Variants in LSM1 observed in about 807,000 individuals in gnomAD.
The protein encoded by LSM1 is U6 snRNA-associated Sm-like protein LSm1.
A neutral mutation model predicts 18.0 loss-of-function variants in LSM1; 13 were observed. That is an observed-to-expected ratio of 0.72 (90% CI 0.47 to 1.15). LSM1 has a LOEUF of 1.15. LSM1 is among the 50% of genes most tolerant of loss of function. The probability of loss-of-function intolerance (pLI) is 0.00; values close to 1 mark genes in which losing one functional copy is unlikely to be tolerated. For missense variants in LSM1, 152 were observed against 157.7 expected, an observed-to-expected ratio of 0.96 and a Z score of 0.19; for synonymous variants, 46 against 56.0, an observed-to-expected ratio of 0.82 and a Z score of 0.80.
chr8:38,163,601 G>T lies in LSM1; in HGVS notation c.*69C>A. 1.4e-6 allele frequency: 2 copies of T among 1,394,778 alleles called. No homozygotes were observed. The allele number at this position is 1,394,778 out of a possible 1,614,324, so 86.4% of individuals were successfully genotyped here. A position where few individuals can be genotyped will look rare whatever the true frequency, so the allele number is the denominator to read the frequency against. On this transcript the variant is annotated 3_prime_UTR_variant, in exon 4 of 4. Transcript: ENST00000311351. ...CAGTCTGTGATCAAATGCGTGAGGT[G>T]GCCAGGATGTCACTTTCACTCAGTG...
At chr8:38,173,983 G>A (rs1304645038) in intron 1 of LSM1, among the ~76,000 whole-genome samples, 1 of 152,180 alleles carries the variant, frequency 6.6e-6, no homozygotes, top group Non-Finnish European at 1.5e-5. Context: ...ATCAAGAGAA[G>A]AGAATTAAAG....
chr8:38,169,137 C>T (rs1285032628), intron 3 of LSM1, among the ~76,000 whole-genome samples: 1 of 151,932 alleles, frequency 6.6e-6, no homozygotes, highest in African/African-American at 2.4e-5. Flanking sequence ...TCAGAAATAA[C>T]AAGATGAAAT....
intron 2 of LSM1, chr8:38,171,121 TAATGTTGGG>T: frequency 3.7e-6 from 1 of 270,218 alleles, no homozygotes; most frequent in Non-Finnish European, 7.9e-6. Context: ...GTATTAAGCT[TAATGTTGGG>T]GTCCTTAAAA....
In LSM1 at chr8:38,163,707, A is replaced by C; in HGVS notation, c.365T>G (p.Leu122Arg). 2.5e-6 allele frequency: 4 copies of C among 1,614,194 alleles called. No individual in the cohort carries two copies. The highest frequency in any genetic ancestry group is 3.4e-6 in the Non-Finnish European group (4 of 1,180,038). Residue 122 changes from leucine to arginine, a missense_variant, in exon 4 of 4, where the codon CTT becomes CGT. Transcript: ENST00000311351. ...AAGAGTATCTGCTCGAGGAATGGAAAGACCTCGGTCCTTCAGGGCCTGCAC... is the reference window on the plus strand; with the variant it reads ...AAGAGTATCTGCTCGAGGAATGGAACGACCTCGGTCCTTCAGGGCCTGCAC... ...LKVQALKDRG[L>R]SIPRADTLDE...
At chr8:38,166,494 AAATG>A (rs1802932303) in intron 3 of LSM1, among the ~76,000 whole-genome samples, 1 of 152,232 alleles carries the variant, frequency 6.6e-6, no homozygotes, top group Non-Finnish European at 1.5e-5. Context: ...ATTGTCCTTA[AAATG>A]AATGTACAGG....
intron 1 of LSM1, among the ~76,000 whole-genome samples, chr8:38,172,315 TC>T (rs898123622): frequency 2.7e-5 from 4 of 146,048 alleles, no homozygotes; most frequent in Non-Finnish European, 6.0e-5. Context: ...TTTTTTTTTT[TC>T]CTTTTTTCTT....
intron 1 of LSM1, 64 bp downstream of exon 1, chr8:38,176,211 G>A: frequency 2.1e-6 from 3 of 1,441,544 alleles, no homozygotes; most frequent in Middle Eastern, 1.8e-4. Flanking sequence ...TTCTTCGGAA[G>A]AGGCGCCCGC....
Position 38,169,817 on chromosome 8 carries a change from GACC to G in LSM1, c.213_215del (p.Val72del), listed in dbSNP as rs769000785. The G allele has an allele frequency of 2.5e-6, 4 of 1,608,370 alleles. No homozygotes were observed. Among genetic ancestry groups the G allele is most frequent in the Non-Finnish European group, 2.6e-6 (3 of 1,174,996 alleles). ...TTTCACTTACTATTTCTCCTAGTAGGACCACATTTTCTCCTCTGACCACAAAAA... is the reference window on the plus strand; with the variant it reads ...TTTCACTTACTATTTCTCCTAGTAGGACATTTTCTCCTCTGACCACAAAAA... On this transcript the variant is annotated inframe_deletion, in exon 3 of 4. Transcript: ENST00000311351.
Position 38,164,193 on chromosome 8 carries a change from T to C in LSM1, c.232-353A>G, listed in dbSNP as rs562568148. Among the ~76,000 whole-genome samples, 9 of 152,286 alleles carry C rather than the reference T, an allele frequency of 5.9e-5. No individual in the cohort carries two copies. The South Asian group carries it at 1.9e-3, about 32-fold the overall frequency. On this transcript the variant is annotated intron_variant, in intron 3 of 3. Coordinates refer to ENST00000311351, the MANE Select transcript of LSM1 (RefSeq NM_014462.3). ...CCTCAGCCTCCTGAGTAGCTGTGAT[T>C]ACAGGCACGTGCCACCACGCCTGGC...
Position 38,176,309 on chromosome 8 carries a change from C to A in LSM1, c.12G>T (p.Met4Ile). ...CCTCGATGAGGCTGGCGGTGCCAGGCATATAGTTCATTTTGAACTGAAATA... is the reference window on the plus strand; with the variant it reads ...CCTCGATGAGGCTGGCGGTGCCAGGAATATAGTTCATTTTGAACTGAAATA... MNY[M>I]PGTASLIEDI... is the part of the protein sequence containing the mutation. Residue 4 changes from methionine (M) to isoleucine (I), a missense_variant, in exon 1 of 4, where the codon ATG becomes ATT. Transcript: ENST00000311351. 1.9e-6 allele frequency: 3 copies of A among 1,613,146 alleles called. No homozygotes were observed. Among genetic ancestry groups the A allele is most frequent in the Non-Finnish European group, 2.5e-6 (3 of 1,179,650 alleles).
chr8:38,166,046 T>C (rs1311268685), intron 3 of LSM1: 3 of 152,424 alleles, frequency 2.0e-5, no homozygotes, highest in Admixed American at 2.0e-4. Context: ...TTGCGTGTCA[T>C]CCTTAAGCAG....
At chr8:38,175,324 C>T (rs1803110921) in intron 1 of LSM1, among the ~76,000 whole-genome samples, 1 of 151,942 alleles carries the variant, frequency 6.6e-6, no homozygotes, top group Non-Finnish European at 1.5e-5. Context: ...CGCCTCGGCC[C>T]CCCAAAGTGC....
At position 38,170,384 on chromosome 8, in the gene LSM1, T is replaced by A. The variant is rs542807381; in HGVS notation, c.116-467A>T. ...AAGGCTAAAATTTCAAATAATCTTC[T>A]CCTATTTCATTGAGTAAGACGTACC... is the stretch of plus-strand genomic sequence containing the variant. On this transcript the variant is annotated intron_variant, in intron 2 of 3. Transcript: ENST00000311351. Among the ~76,000 whole-genome samples the A allele has an allele frequency of 2.0e-4, 31 of 152,318 alleles. 1 individual carries two copies. The South Asian group carries it at 5.0e-3, about 24-fold the overall frequency.
intron 1 of LSM1, among the ~76,000 whole-genome samples, chr8:38,174,057 G>A (rs1302161790): frequency 6.6e-6 from 1 of 152,162 alleles, no homozygotes; most frequent in Admixed American, 6.5e-5. Context: ...GACCTTAGAC[G>A]AATAACTTTG....
At position 38,176,322 on chromosome 8, in the gene LSM1, T is replaced by C; in HGVS notation, c.-2A>G. On this transcript the variant is annotated 5_prime_UTR_variant, in exon 1 of 4. Coordinates refer to ENST00000311351, the MANE Select transcript of LSM1 (RefSeq NM_014462.3). ...GGCGGTGCCAGGCATATAGTTCATT[T>C]TGAACTGAAATAATGCTGCAATGCA... 2 of 1,611,614 alleles carry C rather than the reference T, an allele frequency of 1.2e-6. No individual in the cohort carries two copies. Among genetic ancestry groups the C allele is most frequent in the Non-Finnish European group, 1.7e-6 (2 of 1,178,716 alleles).
Position 38,176,273 on chromosome 8 carries a change from A to T in LSM1, c.46+2T>A. 1 of 1,613,492 alleles carries T rather than the reference A, an allele frequency of 6.2e-7. No individual in the cohort carries two copies. The highest frequency in any genetic ancestry group is 8.5e-7 in the Non-Finnish European group (1 of 1,179,644). On this transcript the variant is annotated splice_donor_variant, in intron 1 of 3. Transcript: ENST00000311351. LOFTEE classifies it high-confidence loss of function. ...TCCACCGGGAGGAGATAAACTACTCACTGTCAATGTCCTCGATGAGGCTGG... is the reference window on the plus strand; with the variant it reads ...TCCACCGGGAGGAGATAAACTACTCTCTGTCAATGTCCTCGATGAGGCTGG...
chr8:38,176,495 C>T (rs757519800), upstream of LSM1: 18 of 598,572 alleles, frequency 3.0e-5, no homozygotes, highest in Non-Finnish European at 5.0e-5. Context: ...CTCCATATTA[C>T]CCTTACCCAC....
At chr8:38,163,924 A>T in intron 3 of LSM1, 84 bp from the exon 4 acceptor site, 1 of 1,189,140 alleles carries the variant, frequency 8.4e-7, no homozygotes, top group Non-Finnish European at 1.2e-6. Context: ...TTCCTCTATC[A>T]GGCTCAGATT....
chr8:38,164,886 G>A lies in LSM1; in HGVS notation c.232-1046C>T, dbSNP rs905053070. ...GGATCCTCTTGCCTTTACCTCCTAC[G>A]TAGCTGGGGCTACAGGTGTGCGCCA... On this transcript the variant is annotated intron_variant, in intron 3 of 3. Coordinates refer to ENST00000311351, the MANE Select transcript of LSM1 (RefSeq NM_014462.3). Among the ~76,000 whole-genome samples the A allele has an allele frequency of 6.6e-5, 10 of 152,080 alleles. No individual in the cohort carries two copies. The East Asian group carries it at 1.5e-3, about 23-fold the overall frequency.
Sources: gnomAD v4.1 joint callset for allele counts (sites outside exome capture counted in the v4.1 genomes callset) on GRCh38, gnomAD v4.1.1 for gene constraint, MANE v1.5 for transcripts, NCBI Gene and HGNC (gene_info 2026-07-23, HGNC 2026-07-21) for gene names.